PIR: variants seen among roughly 807,000 people sequenced by gnomAD.
PIR encodes pirin (iron-binding nuclear protein).
In PIR, 22 loss-of-function variants were observed where a neutral mutation model predicts 24.2. The ratio of observed to expected loss-of-function variants is 0.91; its 90% CI spans 0.65 to 1.30. The LOEUF is 1.30. Among genes scored for constraint, PIR ranks in the 50% most tolerant of loss-of-function variants. The probability of loss-of-function intolerance (pLI) is 0.00; values close to 1 mark genes in which losing one functional copy is unlikely to be tolerated. For missense variants in PIR, 220 were observed against 220.3 expected, an observed-to-expected ratio of 1.00 and a Z score of 0.01; for synonymous variants, 80 against 79.6, an observed-to-expected ratio of 1.00 and a Z score of -0.03.
chrX:15,421,203 A>C (rs1925120166), intron 6 of PIR, among the ~76,000 whole-genome samples: 1 of 112,054 alleles, frequency 8.9e-6, no homozygotes, highest in Non-Finnish European at 1.9e-5. Flanking sequence ...ACGGATAGTG[A>C]AGGCTTATGT....
chrX:15,386,582 A>C, intron 9 of PIR, among the ~76,000 whole-genome samples: 1 of 112,308 alleles, frequency 8.9e-6, no homozygotes, highest in Non-Finnish European at 1.9e-5. Context: ...GAAGGATAAA[A>C]GTGTAAAAAC....
chrX:15,432,765 A>G (rs981684514), intron 5 of PIR, among the ~76,000 whole-genome samples: 5 of 112,206 alleles, frequency 4.5e-5, no homozygotes, highest in African/African-American at 1.6e-4. Flanking sequence ...AAAGAACTGG[A>G]AGGGAGTAAG....
At chrX:15,427,781 A>C (rs1001594010) in intron 5 of PIR, among the ~76,000 whole-genome samples, 1 of 110,371 alleles carries the variant, frequency 9.1e-6, no homozygotes, top group East Asian at 2.8e-4. Context: ...GTATTACTAT[A>C]CATGGGATTT....
chrX:15,478,816 C>T (rs955628759), intron 3 of PIR, among the ~76,000 whole-genome samples: 1 of 111,430 alleles, frequency 9.0e-6, no homozygotes, highest in Non-Finnish European at 1.9e-5. Context: ...ACACAACACA[C>T]CCTAACATAC....
At chrX:15,413,003 A>T (rs1272340312) in intron 6 of PIR, among the ~76,000 whole-genome samples, 1 of 112,240 alleles carries the variant, frequency 8.9e-6, no homozygotes, top group Non-Finnish European at 1.9e-5. Context: ...TGTTGTGATG[A>T]ACACAGTCTA....
intron 3 of PIR, among the ~76,000 whole-genome samples, chrX:15,479,215 T>C (rs1215543439): frequency 3.6e-5 from 4 of 112,056 alleles, no homozygotes; most frequent in African/African-American, 1.3e-4. Context: ...CTTGATTCTA[T>C]AATTCCTTAG....
intron 7 of PIR, among the ~76,000 whole-genome samples, chrX:15,403,989 TTTTC>T (rs1304293501): frequency 3.8e-5 from 2 of 53,304 alleles, no homozygotes; most frequent in Non-Finnish European, 8.7e-5. Context: ...ACATCCAGCA[TTTTC>T]TTTTTTTTTT....
intron 8 of PIR, among the ~76,000 whole-genome samples, chrX:15,396,928 C>G (rs1437800425): frequency 1.8e-5 from 2 of 111,060 alleles, no homozygotes; most frequent in Admixed American, 1.9e-4. Context: ...TTTTAGTGGA[C>G]ACGGGGTTTC....
intron 3 of PIR, among the ~76,000 whole-genome samples, chrX:15,473,759 G>T (rs1043587294): frequency 1.3e-4 from 15 of 111,929 alleles, no homozygotes; most frequent in Non-Finnish European, 2.3e-4. Flanking sequence ...GTTTCACCAT[G>T]TTGGCCAGGC....
chrX:15,386,090 C>A (rs1923739785), intron 9 of PIR, among the ~76,000 whole-genome samples: 1 of 112,157 alleles, frequency 8.9e-6, no homozygotes, highest in Non-Finnish European at 1.9e-5. Context: ...AGTTGACAGA[C>A]TTGTTCACTC....
chrX:15,445,780 C>A (rs1262571604), intron 5 of PIR, among the ~76,000 whole-genome samples: 3 of 105,372 alleles, frequency 2.8e-5, no homozygotes, highest in Non-Finnish European at 5.8e-5. Flanking sequence ...AGATGAGAAA[C>A]TAGCCCAGGT....
intron 9 of PIR, among the ~76,000 whole-genome samples, 188 bp from the exon 10 acceptor site, chrX:15,385,304 T>C (rs917513221): frequency 4.4e-5 from 5 of 112,488 alleles, no homozygotes; most frequent in Admixed American, 3.8e-4. Context: ...GGATTGTATA[T>C]GATTATTGAT....
chrX:15,404,001 T>A (rs773792677), intron 7 of PIR, among the ~76,000 whole-genome samples: 50 of 107,987 alleles, frequency 4.6e-4, no homozygotes, highest in African/African-American at 1.5e-3. Flanking sequence ...TTCTTTTTTT[T>A]TTTTTTTTCT....
At chrX:15,385,647 T>A (rs1457329773) in intron 9 of PIR, among the ~76,000 whole-genome samples, 1 of 112,388 alleles carries the variant, frequency 8.9e-6, no homozygotes, top group East Asian at 2.8e-4. Flanking sequence ...CATCATTTTT[T>A]AAAAGTTTTC....
At chrX:15,402,450 TG>T (rs920614929) in intron 7 of PIR, among the ~76,000 whole-genome samples, 4 of 111,569 alleles carry the variant, frequency 3.6e-5, no homozygotes, top group African/African-American at 9.8e-5. Context: ...GATTCAGGCA[TG>T]CAAGGCAGAA....
At chrX:15,424,517 T>C (rs973188829) in intron 6 of PIR, among the ~76,000 whole-genome samples, 7 of 112,148 alleles carry the variant, frequency 6.2e-5, no homozygotes, top group African/African-American at 2.3e-4. Flanking sequence ...TTTACAACAA[T>C]CTTTGTATAT....
chrX:15,391,604 A>C (rs1343214099), intron 8 of PIR, among the ~76,000 whole-genome samples: 1 of 112,206 alleles, frequency 8.9e-6, no homozygotes, highest in Non-Finnish European at 1.9e-5. Flanking sequence ...ATTTGAAATT[A>C]AGGAGAACTG....
At chrX:15,426,336 A>G (rs1602261444) in intron 5 of PIR, among the ~76,000 whole-genome samples, 1 of 111,947 alleles carries the variant, frequency 8.9e-6, no homozygotes, top group East Asian at 2.8e-4. Flanking sequence ...AGGTTATCTC[A>G]CAACCAAATG....
intron 3 of PIR, among the ~76,000 whole-genome samples, chrX:15,468,810 T>C (rs1192426739): frequency 1.8e-5 from 2 of 112,682 alleles, no homozygotes; most frequent in Non-Finnish European, 3.8e-5. Context: ...TTTGGAATAA[T>C]TTTTAAGTTT....
Sources: allele counts gnomAD v4.1 joint callset (sites outside exome capture counted in the v4.1 genomes callset), GRCh38; gene constraint gnomAD v4.1.1; transcripts MANE v1.5; gene names NCBI Gene and HGNC (gene_info 2026-07-23, HGNC 2026-07-21).